Variants in CHRDL1 observed in about 807,000 individuals in gnomAD.
The protein encoded by CHRDL1 is chordin like 1.
CHRDL1 carries 19 observed loss-of-function variants against 40.9 expected under a neutral mutation model. The ratio of observed to expected loss-of-function variants is 0.46; its 90% CI spans 0.32 to 0.68. The LOEUF (loss-of-function observed/expected upper bound fraction) is 0.68, where lower values mean the gene tolerates loss of function less well. Ranked by LOEUF, CHRDL1 falls within the 30% of genes least tolerant of loss-of-function variation. The probability of loss-of-function intolerance (pLI) is 0.03; values close to 1 mark genes in which losing one functional copy is unlikely to be tolerated. For synonymous variants in CHRDL1, 136 were observed against 123.4 expected (o/e 1.10, Z -0.68); for missense variants, 329 against 352.1 (o/e 0.93, Z 0.53).
At chrX:110,753,071 T>A (rs939544644) in intron 4 of CHRDL1, among the ~76,000 whole-genome samples, 13 of 111,900 alleles carry the variant, frequency 1.2e-4, no homozygotes, top group African/African-American at 4.2e-4. Flanking sequence ...TACAAAATAA[T>A]TGAAAACATA....
chrX:110,773,723 CA>C (rs1171179610), intron 2 of CHRDL1, among the ~76,000 whole-genome samples: 1,483 of 35,349 alleles, frequency 0.042, 11 homozygotes, highest in South Asian at 0.052. Flanking sequence ...GAGACTGCCT[CA>C]AAAAAAAAAA....
At chrX:110,698,409 T>C (rs1475187608) in intron 7 of CHRDL1, among the ~76,000 whole-genome samples, 2 of 111,745 alleles carry the variant, frequency 1.8e-5, no homozygotes, top group Non-Finnish European at 3.8e-5. Flanking sequence ...GACTACTATG[T>C]GCCAGGTATA....
At chrX:110,747,811 T>C (rs765922900) in intron 4 of CHRDL1, among the ~76,000 whole-genome samples, 1 of 112,292 alleles carries the variant, frequency 8.9e-6, no homozygotes, top group South Asian at 3.7e-4. Flanking sequence ...CACTTTCCAT[T>C]GTAGTTTTAT....
intron 7 of CHRDL1, among the ~76,000 whole-genome samples, chrX:110,697,411 T>G (rs1030550347): frequency 3.6e-5 from 4 of 111,051 alleles, no homozygotes; most frequent in Non-Finnish European, 7.5e-5. Context: ...GAATATGGGA[T>G]CTCTCTGTAT....
intron 9 of CHRDL1, among the ~76,000 whole-genome samples, chrX:110,685,849 C>G (rs2070000915): frequency 9.5e-6 from 1 of 105,398 alleles, no homozygotes; most frequent in African/African-American, 3.5e-5. Flanking sequence ...TCTGTGGTTA[C>G]TTTCTTAGGA....
At chrX:110,734,996 A>C (rs2071238033) in intron 4 of CHRDL1, among the ~76,000 whole-genome samples, 1 of 110,591 alleles carries the variant, frequency 9.0e-6, no homozygotes. Context: ...TTCTACTATT[A>C]CTTGGTTAGT....
At chrX:110,737,607 TCAG>T (rs1381805437) in intron 4 of CHRDL1, among the ~76,000 whole-genome samples, 1 of 112,127 alleles carries the variant, frequency 8.9e-6, no homozygotes, top group Non-Finnish European at 1.9e-5. Flanking sequence ...TAGAAACAAG[TCAG>T]CTTCTCAAAG....
intron 2 of CHRDL1, among the ~76,000 whole-genome samples, chrX:110,765,368 A>G (rs780532617): frequency 1.6e-4 from 18 of 112,074 alleles, no homozygotes; most frequent in African/African-American, 5.5e-4. Context: ...TATTGGTGGC[A>G]TGTTTCCCCA....
At chrX:110,724,660 A>C (rs1172101324) in intron 4 of CHRDL1, among the ~76,000 whole-genome samples, 1 of 110,680 alleles carries the variant, frequency 9.0e-6, no homozygotes, top group Non-Finnish European at 1.9e-5. Flanking sequence ...TCCTGCTTTC[A>C]AATTTGTGCT....
At chrX:110,759,476 T>G (rs1003996977) in intron 4 of CHRDL1, among the ~76,000 whole-genome samples, 185 bp downstream of exon 4, 1 of 112,343 alleles carries the variant, frequency 8.9e-6, no homozygotes, top group Middle Eastern at 4.2e-3. Context: ...AATAACTTAT[T>G]AGAGCCTAGA....
intron 2 of CHRDL1, among the ~76,000 whole-genome samples, chrX:110,763,493 C>T (rs1429123633): frequency 9.2e-6 from 1 of 108,359 alleles, no homozygotes; most frequent in Admixed American, 1.0e-4. Context: ...CATATATATA[C>T]ACACACACAT....
intron 2 of CHRDL1, among the ~76,000 whole-genome samples, chrX:110,767,392 A>C (rs1356125655): frequency 1.8e-5 from 2 of 110,683 alleles, no homozygotes; most frequent in African/African-American, 6.6e-5. Context: ...GTAAAGAGGA[A>C]GTCAAACTGT....
chrX:110,715,253 TC>T (rs2070820529), intron 6 of CHRDL1, among the ~76,000 whole-genome samples: 1 of 111,696 alleles, frequency 9.0e-6, no homozygotes, highest in Non-Finnish European at 1.9e-5. Flanking sequence ...AATAGCTAGT[TC>T]CAGGATCTGT....
chrX:110,719,777 C>A, intron 6 of CHRDL1, 58 bp downstream of exon 6: 1 of 746,327 alleles, frequency 1.3e-6, no homozygotes, highest in Non-Finnish European at 2.0e-6. Context: ...TTCCTCCTTT[C>A]TAAATTCTAC....
chrX:110,736,527 T>A (rs1199547516), intron 4 of CHRDL1, among the ~76,000 whole-genome samples: 1 of 111,836 alleles, frequency 8.9e-6, no homozygotes, highest in Non-Finnish European at 1.9e-5. Flanking sequence ...AAATAAGGTA[T>A]ATTATCATCT....
chrX:110,769,461 ACC>A (rs1374266387), intron 2 of CHRDL1, among the ~76,000 whole-genome samples: 2 of 112,641 alleles, frequency 1.8e-5, no homozygotes, highest in Non-Finnish European at 3.7e-5. Context: ...ATTAGGACCA[ACC>A]AATCCAATAG....
intron 4 of CHRDL1, among the ~76,000 whole-genome samples, chrX:110,757,397 A>G (rs886467405): frequency 1.8e-5 from 2 of 111,202 alleles, no homozygotes; most frequent in Non-Finnish European, 3.8e-5. Flanking sequence ...AAAACGAAGA[A>G]CCCGCAAAAG....
intron 2 of CHRDL1, among the ~76,000 whole-genome samples, chrX:110,784,238 T>C (rs2089984550): frequency 8.9e-6 from 1 of 111,910 alleles, no homozygotes; most frequent in Admixed American, 9.4e-5. Context: ...AGTTGAAGAC[T>C]CTGTTTCATG....
intron 11 of CHRDL1, among the ~76,000 whole-genome samples, 165 bp downstream of exon 11, chrX:110,679,171 C>T (rs775783326): frequency 4.4e-4 from 49 of 112,196 alleles, no homozygotes; most frequent in Non-Finnish European, 8.6e-4. Context: ...ATTCAGACAC[C>T]CCATTCACTG....
Sources: gnomAD v4.1 joint callset for allele counts (sites outside exome capture counted in the v4.1 genomes callset) on GRCh38, gnomAD v4.1.1 for gene constraint, MANE v1.5 for transcripts, NCBI Gene and HGNC (gene_info 2026-07-23, HGNC 2026-07-21) for gene names.